ARHGEF10L: variants seen among roughly 807,000 people sequenced by gnomAD.
ARHGEF10L encodes Rho guanine nucleotide exchange factor 10 like, also known as rho guanine nucleotide exchange factor 10-like protein.
Under a neutral mutation model 141.2 loss-of-function variants are expected in ARHGEF10L, and 69 were observed. The ratio of observed to expected loss-of-function variants is 0.49; its 90% CI spans 0.40 to 0.60. ARHGEF10L has a LOEUF of 0.60. Among genes scored for constraint, ARHGEF10L ranks in the 20% least tolerant of loss-of-function variants. The probability of loss-of-function intolerance (pLI) is 0.00; values close to 1 mark genes in which losing one functional copy is unlikely to be tolerated. For synonymous variants in ARHGEF10L, 711 were observed against 718.5 expected (o/e 0.99, Z 0.17); for missense variants, 1,482 against 1,734.3 (o/e 0.85, Z 2.58).
chr1:17,545,084 T>C (rs901990509), intron 1 of ARHGEF10L, among the ~76,000 whole-genome samples: 4 of 152,108 alleles, frequency 2.6e-5, no homozygotes, highest in African/African-American at 9.7e-5. Context: ...AGCCAAACCA[T>C]ATCAAGGGGT....
intron 27 of ARHGEF10L, among the ~76,000 whole-genome samples, chr1:17,690,264 G>C (rs1421336956): frequency 1.3e-5 from 2 of 152,210 alleles, no homozygotes; most frequent in African/African-American, 4.8e-5. Flanking sequence ...AGAGCCTGGA[G>C]CCAGAATTCC....
chr1:17,641,246 G>A (rs908718095), intron 21 of ARHGEF10L, among the ~76,000 whole-genome samples: 1 of 152,188 alleles, frequency 6.6e-6, no homozygotes, highest in Non-Finnish European at 1.5e-5. Context: ...GTTCCCATTT[G>A]CCGATGCCAG....
At chr1:17,663,597 C>T (rs1412754505) in intron 25 of ARHGEF10L, among the ~76,000 whole-genome samples, 1 of 151,642 alleles carries the variant, frequency 6.6e-6, no homozygotes, top group Non-Finnish European at 1.5e-5. Flanking sequence ...TCCACCTCAC[C>T]TGGCAGCAGT....
chr1:17,647,967 G>A (rs114680413), intron 21 of ARHGEF10L, among the ~76,000 whole-genome samples: 2 of 152,110 alleles, frequency 1.3e-5, no homozygotes, highest in Admixed American at 6.5e-5. Context: ...CCCAGCTAGG[G>A]TGGGTGAACT....
chr1:17,593,467 G>C (rs765721999), intron 4 of ARHGEF10L, among the ~76,000 whole-genome samples: 1 of 152,222 alleles, frequency 6.6e-6, no homozygotes, highest in Non-Finnish European at 1.5e-5. Flanking sequence ...TGTGGGCCCA[G>C]TGGCACCACA....
In ARHGEF10L at chr1:17,644,634, G is replaced by A. The variant is rs115433077; in HGVS notation, c.2273-3920G>A. Among the ~76,000 whole-genome samples the A allele has an allele frequency of 0.014, 2,065 of 152,246 alleles. 56 individuals are homozygous for A. Among genetic ancestry groups the A allele is most frequent in the African/African-American group, 0.047 (1,956 of 41,536 alleles). On this transcript the variant is annotated intron_variant, in intron 21 of 28. Transcript: ENST00000361221. The surrounding 1 kb of genome is among the most constrained non-coding windows in gnomAD (Gnocchi z 4.5). ...TCCATGGTGCTGGGGAGGTGTGAGC[G>A]GTATCTTGAAGGTGGCTTTAAGTTT...
At chr1:17,523,883 A>G in the ARHGEF10L span, among the ~76,000 whole-genome samples, 1 of 152,216 alleles carries the variant, frequency 6.6e-6, no homozygotes, top group African/African-American at 2.4e-5. Context: ...ACATTGGCAC[A>G]TGCACACAGA....
rs1478344766 is a variant in ARHGEF10L, at chr1:17,638,664, C to A, written c.2146C>A (p.Leu716Ile). 6.2e-7 allele frequency: 1 copy of A among 1,614,116 alleles called. No individual in the cohort carries two copies. Among genetic ancestry groups the A allele is most frequent in the South Asian group, 1.1e-5 (1 of 91,078 alleles). Residue 716 changes from leucine (L) to isoleucine (I), a missense_variant, in exon 20 of 29, where the codon CTC (leucine) becomes ATC (isoleucine). Leu to Ile is a conservative substitution (Grantham distance 5, BLOSUM62 2). This residue lies in a region of ARHGEF10L where 858 missense variants were observed against 966.3 expected (regional missense o/e 0.89). Coordinates refer to ENST00000361221, the MANE Select transcript of ARHGEF10L (RefSeq NM_018125.4). ...IHSANKCRLR[L>I]LLPGKPDKSG... ...CTCGGCCAACAAGTGCCGTCTCAGG[C>A]TCCTGCTTCCTGGGAAACCCGACAA... is the stretch of plus-strand genomic sequence containing the variant.
chr1:17,651,473 T>C (rs914742127), intron 22 of ARHGEF10L, among the ~76,000 whole-genome samples: 1 of 152,102 alleles, frequency 6.6e-6, no homozygotes, highest in African/African-American at 2.4e-5. Context: ...ATGGTGGGCG[T>C]TGGATTCTCC....
intron 27 of ARHGEF10L, 44 bp from the exon 28 acceptor site, chr1:17,695,114 G>A: frequency 2.5e-6 from 4 of 1,610,028 alleles, no homozygotes; most frequent in Non-Finnish European, 3.4e-6. Context: ...AGCCCATGCT[G>A]TCTCCCCAGG....
chr1:17,623,183 T>A lies in ARHGEF10L; in HGVS notation c.1200+8T>A. 1 of 1,609,436 alleles carries A rather than the reference T, an allele frequency of 6.2e-7. No individual in the cohort carries two copies. Among genetic ancestry groups the A allele is most frequent in the African/African-American group, 1.3e-5 (1 of 74,534 alleles). ...GACCTCTTCGTGGCCTCGGTAAGTG[T>A]CCCCAAACTTTTTCCCCAGCCCACC... On this transcript the variant is annotated splice_region_variant and intron_variant, in intron 12 of 28. Coordinates refer to ENST00000361221, the MANE Select transcript of ARHGEF10L (RefSeq NM_018125.4). The surrounding 1 kb of genome is among the most constrained non-coding windows in gnomAD (Gnocchi z 4.7).
At chr1:17,542,604 T>A (rs1010277452) in intron 1 of ARHGEF10L, among the ~76,000 whole-genome samples, 10 of 152,254 alleles carry the variant, frequency 6.6e-5, no homozygotes, top group Non-Finnish European at 1.3e-4. Flanking sequence ...AGAATACATG[T>A]AATCTTCTAT....
the ARHGEF10L span, among the ~76,000 whole-genome samples, chr1:17,522,741 G>C: frequency 6.6e-6 from 1 of 151,964 alleles, no homozygotes; most frequent in African/African-American, 2.4e-5. Context: ...CAGTTAATGA[G>C]ACTTTGGGAC....
chr1:17,668,634 G>A (rs2063127894), intron 26 of ARHGEF10L, among the ~76,000 whole-genome samples: 1 of 152,198 alleles, frequency 6.6e-6, no homozygotes, highest in Non-Finnish European at 1.5e-5. Flanking sequence ...GGAGGGAGGC[G>A]AGATGGAGGA....
intron 25 of ARHGEF10L, among the ~76,000 whole-genome samples, chr1:17,657,731 C>T (rs112320718): frequency 6.5e-4 from 99 of 152,276 alleles, no homozygotes; most frequent in African/African-American, 2.3e-3. Context: ...CACCGTCAGA[C>T]AGAGCGTGCA....
At position 17,676,975 on chromosome 1, in the gene ARHGEF10L, ACT is replaced by A. The variant is rs113231396; in HGVS notation, c.3010-10593_3010-10592del. Among the ~76,000 whole-genome samples, 1,255 of 149,488 alleles carry A rather than the reference ACT, an allele frequency of 8.4e-3. 29 individuals carry two copies. The highest frequency in any genetic ancestry group is 0.03 in the African/African-American group (1,217 of 40,400). On this transcript the variant is annotated intron_variant, in intron 26 of 28. Coordinates refer to ENST00000361221, the MANE Select transcript of ARHGEF10L (RefSeq NM_018125.4). ...TAGTCCTCACTCCCTCCTCCATCGC[ACT>A]CTCTGCATCGGGCCGTAAACAGGAC...
upstream of ARHGEF10L, among the ~76,000 whole-genome samples, chr1:17,538,176 G>A (rs2076608137): frequency 6.6e-6 from 1 of 152,216 alleles, no homozygotes; most frequent in Admixed American, 6.5e-5. Flanking sequence ...TATGACGGCA[G>A]GACTCAAAAG....
rs894823083 is a variant in ARHGEF10L, at chr1:17,573,940, C to T, written c.-43-6613C>T. 3.9e-5 allele frequency among the ~76,000 whole-genome samples: 6 copies of T among 152,164 alleles called. No homozygotes were observed. Among genetic ancestry groups the T allele is most frequent in the Non-Finnish European group, 7.4e-5 (5 of 68,016 alleles). Reference sequence around the variant, plus strand: ...CTGCCCCAGTGAGGCAGGCCCCCTTCTCAGAGCTCCCCTCCCCCTCCCTGG... The same window carrying T: ...CTGCCCCAGTGAGGCAGGCCCCCTTTTCAGAGCTCCCCTCCCCCTCCCTGG... On this transcript the variant is annotated intron_variant, in intron 1 of 28. Coordinates refer to ENST00000361221, the MANE Select transcript of ARHGEF10L (RefSeq NM_018125.4). This position sits in a 1 kb window ranked among gnomAD's most constrained non-coding sequence, Gnocchi z 4.8.
chr1:17,670,013 C>T (rs967405110), intron 26 of ARHGEF10L, among the ~76,000 whole-genome samples: 3 of 152,250 alleles, frequency 2.0e-5, no homozygotes, highest in Non-Finnish European at 2.9e-5. Context: ...GCCAGGATCC[C>T]CGAGCTCGGC....
Sources: gnomAD v4.1 joint callset for allele counts (sites outside exome capture counted in the v4.1 genomes callset) on GRCh38, gnomAD v4.1.1 for gene constraint, gnomAD v4.1.1 regional missense constraint, Gnocchi (gnomAD v3.1) non-coding constraint, MANE v1.5 for transcripts, NCBI Gene and HGNC (gene_info 2026-07-23, HGNC 2026-07-21) for gene names.